WRN: variants seen among roughly 807,000 people sequenced by gnomAD.
WRN encodes the protein bifunctional 3'-5' exonuclease/ATP-dependent helicase WRN.
WRN carries 149 observed loss-of-function variants against 180.7 expected under a neutral mutation model. The observed-to-expected ratio is 0.82, with a 90% CI of 0.72 to 0.94. The LOEUF (loss-of-function observed/expected upper bound fraction) is 0.94. Among genes scored for constraint, WRN ranks in the 40% least tolerant of loss-of-function variants. The pLI is 0.00. For synonymous variants in WRN, 548 were observed against 568.9 expected (o/e 0.96, Z 0.52); for missense variants, 1,661 against 1,700.1 (o/e 0.98, Z 0.40).
intron 11 of WRN, among the ~76,000 whole-genome samples, chr8:31,086,007 T>C (rs1256104289): frequency 6.6e-6 from 1 of 152,104 alleles, no homozygotes; most frequent in Non-Finnish European, 1.5e-5. Flanking sequence ...TTTACTCTTA[T>C]TATTGAGATT....
chr8:31,147,901 T>TG (rs1802930244), intron 30 of WRN, among the ~76,000 whole-genome samples: 2 of 150,330 alleles, frequency 1.3e-5, no homozygotes, highest in African/African-American at 4.9e-5. Context: ...TTTTTTTTTT[T>TG]GTCTGAAGAC....
chr8:31,085,965 A>G (rs1418124094), intron 11 of WRN, among the ~76,000 whole-genome samples: 1 of 151,950 alleles, frequency 6.6e-6, no homozygotes, highest in African/African-American at 2.4e-5. Flanking sequence ...ATTTTATATT[A>G]TATAATTTTC....
chr8:31,034,794 A>G (rs1023081555), intron 1 of WRN, among the ~76,000 whole-genome samples: 1 of 152,136 alleles, frequency 6.6e-6, no homozygotes, highest in Admixed American at 6.5e-5. Context: ...AAAGTTGGTC[A>G]GGAATTGTTA....
In WRN at chr8:31,124,910, T is replaced by A. The variant is rs11574323; in HGVS notation, c.2735T>A (p.Ile912Asn). 6.2e-7 allele frequency: 1 copy of A among 1,612,742 alleles called. No individual in the cohort carries two copies. The highest frequency in any genetic ancestry group is 1.1e-5 in the South Asian group (1 of 90,802). ...ATTTAAAATTTTGTCTTGGGTAGAA[T>A]CATCTTGTCTCATTTTGAGGACAAA... ...YLHSSRCRRQ[I>N]ILSHFEDKQV... Residue 912 changes from isoleucine (I) to asparagine (N), a missense_variant and splice_region_variant, in exon 23 of 35, where the codon ATC becomes AAC. By Grantham distance (149) the Ile-to-Asn change is moderately radical. This residue lies in a region of WRN where 1,141 missense variants were observed against 1,149.4 expected (regional missense o/e 0.99). Transcript: ENST00000298139.
chr8:31,123,653 G>A (rs950568629), intron 21 of WRN, among the ~76,000 whole-genome samples: 1 of 152,120 alleles, frequency 6.6e-6, no homozygotes, highest in African/African-American at 2.4e-5. Context: ...AGTCTATTTT[G>A]ATGAGGATTT....
At chr8:31,105,683 C>A (rs1028590779) in intron 18 of WRN, among the ~76,000 whole-genome samples, 6 of 152,154 alleles carry the variant, frequency 3.9e-5, no homozygotes, top group Admixed American at 1.3e-4. Context: ...TGGTCTCGAA[C>A]TCCTGACCTC....
At chr8:31,159,300 T>G (rs1585539211) in intron 33 of WRN, among the ~76,000 whole-genome samples, 1 of 149,864 alleles carries the variant, frequency 6.7e-6, no homozygotes, top group African/African-American at 2.5e-5. Context: ...TGAGAACCTG[T>G]CTCAAAAGGA....
intron 32 of WRN, among the ~76,000 whole-genome samples, chr8:31,155,385 G>T (rs11574378): frequency 0.017 from 2,621 of 152,264 alleles, 65 homozygotes; most frequent in African/African-American, 0.059. Context: ...CACTTCGGGA[G>T]GCTGAGGCAG....
rs901503079 is a variant in WRN at position 31,175,159 on chromosome 8, G to A, written c.*2057G>A. Among the ~76,000 whole-genome samples the A allele has an allele frequency of 2.0e-5, 3 of 152,048 alleles. No homozygotes were observed. The highest frequency in any genetic ancestry group is 4.8e-5 in the African/African-American group (2 of 41,414). Reference sequence around the variant, plus strand: ...ATGTTAAGAAATCATGACTGAGGCCGGGCGCGGTGGCTCACGCCTGTAATC... The same window carrying A: ...ATGTTAAGAAATCATGACTGAGGCCAGGCGCGGTGGCTCACGCCTGTAATC... On this transcript the variant is annotated 3_prime_UTR_variant, in exon 35 of 35. Transcript: ENST00000298139.
chr8:31,165,755 A>G (rs1448548278), intron 33 of WRN, among the ~76,000 whole-genome samples: 1 of 152,090 alleles, frequency 6.6e-6, no homozygotes, highest in South Asian at 2.1e-4. Flanking sequence ...TTTGAAGACA[A>G]ATAAAAGGGA....
At position 31,154,766 on chromosome 8, in the gene WRN, C is replaced by G. The variant is rs1803313727; in HGVS notation, c.3819+11C>G. ...AAGAAGATGCCTTTGGTAAGTGTGA[C>G]TTTCATGTTACAGGGAATTTTTTTA... On this transcript the variant is annotated intron_variant, in intron 32 of 34. Transcript: ENST00000298139. 1 of 1,613,012 alleles carries G rather than the reference C, an allele frequency of 6.2e-7. No homozygotes were observed. The highest frequency in any genetic ancestry group is 1.1e-5 in the South Asian group (1 of 91,026).
chr8:31,036,402 C>G (rs114777622), intron 1 of WRN, among the ~76,000 whole-genome samples: 1 of 152,110 alleles, frequency 6.6e-6, no homozygotes, highest in Admixed American at 6.5e-5. Context: ...TTGCTGGACC[C>G]GCTTGTAGTT....
chr8:31,118,156 CT>C (rs1221318741), intron 20 of WRN, among the ~76,000 whole-genome samples: 1 of 152,082 alleles, frequency 6.6e-6, no homozygotes, highest in African/African-American at 2.4e-5. Flanking sequence ...CAATTCACAG[CT>C]TCATTAAAAC....
intron 24 of WRN, among the ~76,000 whole-genome samples, chr8:31,136,053 A>G (rs558190003): frequency 6.6e-6 from 1 of 152,310 alleles, no homozygotes; most frequent in Non-Finnish European, 1.5e-5. Context: ...GCTCTGGAGT[A>G]CAGTGGCATG....
intron 1 of WRN, among the ~76,000 whole-genome samples, chr8:31,043,430 G>C (rs907685243): frequency 2.0e-5 from 3 of 152,118 alleles, no homozygotes; most frequent in African/African-American, 4.8e-5. Flanking sequence ...TTGGTGATGA[G>C]GTCAGTTCCA....
intron 24 of WRN, among the ~76,000 whole-genome samples, chr8:31,135,193 C>T (rs1425873945): frequency 2.0e-5 from 3 of 152,100 alleles, no homozygotes; most frequent in Non-Finnish European, 4.4e-5. Context: ...GCTGGGACCA[C>T]AGGTGCCACC....
Position 31,141,788 on chromosome 8 carries a change from GT to G in WRN, c.3233+20del, listed in dbSNP as rs758713751. 1.9e-6 allele frequency: 3 copies of G among 1,611,324 alleles called. No homozygotes were observed. The highest frequency in any genetic ancestry group is 2.2e-5 in the East Asian group (1 of 44,846). ...TGCTTCTGCCTAGGTTCATTTTTCA[GT>G]TTTTTTCTTGTAACTTCTGCATTTT... On this transcript the variant is annotated intron_variant, in intron 26 of 34. Transcript: ENST00000298139.
rs531593434 is a variant in WRN at position 31,066,261 on chromosome 8, C to G, written c.505-772C>G. On this transcript the variant is annotated intron_variant, in intron 5 of 34. Transcript: ENST00000298139. Reference sequence around the variant, plus strand: ...AGTGCAGTGGTGCAATCTTGGCTCACTGAAACCTCTGCCTCCTGGGTTCAA... The same window carrying G: ...AGTGCAGTGGTGCAATCTTGGCTCAGTGAAACCTCTGCCTCCTGGGTTCAA... Among the ~76,000 whole-genome samples the G allele has an allele frequency of 9.2e-5, 14 of 152,196 alleles. 1 individual carries two copies. Among genetic ancestry groups the G allele is most frequent in the Non-Finnish European group, 5.9e-5 (4 of 68,002 alleles).
chr8:31,134,770 G>T (rs964891308), intron 24 of WRN, among the ~76,000 whole-genome samples: 1 of 152,040 alleles, frequency 6.6e-6, no homozygotes, highest in Admixed American at 6.5e-5. Context: ...TGAAACTATT[G>T]GTAGTTTTAA....
Sources: allele counts gnomAD v4.1 joint callset (sites outside exome capture counted in the v4.1 genomes callset), GRCh38; gene constraint gnomAD v4.1.1; regional missense constraint gnomAD v4.1.1; transcripts MANE v1.5; gene names NCBI Gene and HGNC (gene_info 2026-07-23, HGNC 2026-07-21).